The following MAP3K15 variants were observed in gnomAD, a reference collection of about 807,000 sequenced individuals.
The protein encoded by MAP3K15 is MAPK/ERK kinase kinase 15.
In MAP3K15, 124 loss-of-function variants were observed where a neutral mutation model predicts 99.5. The observed-to-expected ratio is 1.25, with a 90% CI of 1.08 to 1.45. MAP3K15 has a LOEUF of 1.45. Among genes scored for constraint, MAP3K15 ranks in the 40% most tolerant of loss-of-function variants. The pLI is 0.00. For synonymous variants in MAP3K15, 494 were observed against 439.6 expected, an observed-to-expected ratio of 1.12 and a Z score of -1.55; for missense variants, 1,242 against 1,079.7, an observed-to-expected ratio of 1.15 and a Z score of -2.11.
chrX:19,404,128 A>AT (rs1255976272), intron 13 of MAP3K15, among the ~76,000 whole-genome samples: 7 of 111,986 alleles, frequency 6.3e-5, no homozygotes, highest in Admixed American at 9.5e-5. Flanking sequence ...AAGGAATTCA[A>AT]TAAAACCCAT....
chrX:19,384,949 C>T (rs1456464278), intron 18 of MAP3K15, among the ~76,000 whole-genome samples: 1 of 110,060 alleles, frequency 9.1e-6, no homozygotes. Context: ...GCTATATACC[C>T]ACAAAAGTTA....
chrX:19,445,079 T>A (rs2063985656), intron 6 of MAP3K15, among the ~76,000 whole-genome samples: 1 of 111,201 alleles, frequency 9.0e-6, no homozygotes, highest in Non-Finnish European at 1.9e-5. Flanking sequence ...CTCAACACTA[T>A]ACAGCCTCAG....
intron 22 of MAP3K15, 82 bp downstream of exon 22, chrX:19,372,571 G>C: frequency 1.1e-6 from 1 of 932,202 alleles, no homozygotes; most frequent in Non-Finnish European, 1.5e-6. Flanking sequence ...GGCAGGAACT[G>C]AGGTCCTGAT....
Position 19,362,831 on chromosome X carries a change from C to T in MAP3K15, c.3586G>A (p.Glu1196Lys). 9.2e-7 allele frequency: 1 copy of T among 1,091,350 alleles called. No homozygotes were observed. The highest frequency in any genetic ancestry group is 1.2e-6 in the Non-Finnish European group (1 of 805,029). The allele number at this position is 1,091,350 out of a possible 1,213,427, so 89.9% of individuals were successfully genotyped here. A position where few individuals can be genotyped will look rare whatever the true frequency, so the allele number is the denominator to read the frequency against. The change falls in exon 26 of 29, where the codon GAA (glutamate) becomes AAA (lysine). Residue 1196 changes from glutamate (E) to lysine (K), a missense_variant. Physicochemically the swap from Glu to Lys is moderately conservative, Grantham distance 56. Coordinates refer to ENST00000338883, the MANE Select transcript of MAP3K15 (RefSeq NM_001001671.4). Reference protein sequence around the residue: ...ETNRLLEHLVEKEREYQNLLR... With the variant: ...ETNRLLEHLVKKEREYQNLLR... ...AGATTCTGGTACTCTCTCTCTTTTT[C>T]AACTAGGTGTTCCAAAAGTCTGGTT...
intron 3 of MAP3K15, among the ~76,000 whole-genome samples, chrX:19,476,385 C>T (rs1213470630): frequency 9.0e-6 from 1 of 111,622 alleles, no homozygotes; most frequent in African/African-American, 3.3e-5. Context: ...AGATTGTTCC[C>T]AGGAAAATTT....
At chrX:19,481,115 CAAAAAA>C (rs60578003) in intron 3 of MAP3K15, among the ~76,000 whole-genome samples, 18 of 55,279 alleles carry the variant, frequency 3.3e-4, no homozygotes, top group African/African-American at 1.8e-3. Flanking sequence ...GAACTTGTCT[CAAAAAA>C]AAAAAAAAAA....
rs748271078 is a variant in MAP3K15, at chrX:19,395,156, G to A, written c.2119C>T (p.Arg707Cys). ...EIALHKYLKH[R>C]NIVQYLGSVS... ...GAGCCCAGGTACTGAACGATATTGC[G>A]GTGCTTAAGGTACTTGTGCAGGGCT... The change falls in exon 16 of 29, where the codon CGC (arginine) becomes TGC (cysteine). Residue 707 changes from arginine (R) to cysteine (C), a missense_variant. Transcript: ENST00000338883. 40 of 1,205,678 alleles carry A rather than the reference G, an allele frequency of 3.3e-5. 1 individual carries two copies. In the South Asian group the frequency reaches 4.1e-4, roughly 12 times the overall value.
chrX:19,363,681 C>A (rs2147201146), intron 25 of MAP3K15, among the ~76,000 whole-genome samples: 1 of 105,543 alleles, frequency 9.5e-6, no homozygotes, highest in South Asian at 4.2e-4. Flanking sequence ...GAGACAGAGT[C>A]TCACTCTGTG....
At chrX:19,429,246 T>C (rs1472322524) in intron 7 of MAP3K15, among the ~76,000 whole-genome samples, 1 of 110,519 alleles carries the variant, frequency 9.0e-6, no homozygotes, top group East Asian at 2.9e-4. Context: ...AAGCTATAAA[T>C]CTGTGAAGGA....
chrX:19,413,023 A>G (rs1223139689), intron 11 of MAP3K15, among the ~76,000 whole-genome samples: 2 of 110,127 alleles, frequency 1.8e-5, no homozygotes, highest in Non-Finnish European at 3.8e-5. Context: ...TACAGCTGTG[A>G]AACAACACAC....
rs747115798 is a variant in MAP3K15 at position 19,400,615 on chromosome X, C to A, written c.1893G>T (p.Thr631=). 2.5e-6 allele frequency: 3 copies of A among 1,208,350 alleles called. No homozygotes were observed. Among genetic ancestry groups the A allele is most frequent in the Non-Finnish European group, 3.4e-6 (3 of 893,196 alleles). The change falls in exon 14 of 29, where the codon ACG becomes ACT. Residue 631 remains threonine (T), a synonymous_variant. Transcript: ENST00000338883. The stretch of plus-strand genomic sequence containing the variant: ...CATCGGTCTCTCCCTCCAGCTCCAC[C>A]GTACTGCCTGCTGTATTGGTTATCA... ...KEMITNTAGS[T]VELEGETDGD... is the part of the protein sequence containing the mutation.
chrX:19,469,250 G>T (rs989933052), intron 3 of MAP3K15, among the ~76,000 whole-genome samples: 5 of 111,459 alleles, frequency 4.5e-5, no homozygotes, highest in East Asian at 2.8e-4. Flanking sequence ...ATGCCGCATA[G>T]CTACAACTAT....
At chrX:19,505,290 C>G (rs1569245877) in intron 1 of MAP3K15, among the ~76,000 whole-genome samples, 1 of 111,196 alleles carries the variant, frequency 9.0e-6, no homozygotes, top group African/African-American at 3.3e-5. Context: ...GACCCACAGC[C>G]TGACTCTTTC....
intron 3 of MAP3K15, among the ~76,000 whole-genome samples, chrX:19,485,778 G>C (rs993396292): frequency 9.0e-6 from 1 of 111,245 alleles, no homozygotes; most frequent in Admixed American, 9.6e-5. Context: ...GGCCTGTCCT[G>C]AGTCTAGGTC....
At chrX:19,485,511 C>A (rs759454828) in intron 3 of MAP3K15, among the ~76,000 whole-genome samples, 50 of 109,522 alleles carry the variant, frequency 4.6e-4, no homozygotes, top group African/African-American at 1.6e-3. Context: ...ATAGTAATCA[C>A]GTGCACTATA....
chrX:19,433,646 C>T (rs2063900252), intron 6 of MAP3K15, among the ~76,000 whole-genome samples: 1 of 111,169 alleles, frequency 9.0e-6, no homozygotes, highest in African/African-American at 3.3e-5. Context: ...CTCTATACAT[C>T]CTATTGGTTT....
chrX:19,448,410 A>C (rs1336318086), intron 6 of MAP3K15, among the ~76,000 whole-genome samples: 1 of 109,514 alleles, frequency 9.1e-6, no homozygotes, highest in African/African-American at 3.3e-5. Context: ...TGAGCCTCAA[A>C]ACAATCAAGT....
At chrX:19,417,603 T>A (rs956216412) in intron 9 of MAP3K15, among the ~76,000 whole-genome samples, 2 of 111,772 alleles carry the variant, frequency 1.8e-5, no homozygotes. Flanking sequence ...CTCTCTAGAC[T>A]CCACCTCTGG....
chrX:19,397,056 T>C (rs981307241), intron 15 of MAP3K15, among the ~76,000 whole-genome samples: 2 of 109,517 alleles, frequency 1.8e-5, no homozygotes, highest in Non-Finnish European at 1.9e-5. Context: ...TGCGCCACCA[T>C]GCCCACCCAC....
Sources: gnomAD v4.1 joint callset for allele counts (sites outside exome capture counted in the v4.1 genomes callset) on GRCh38, gnomAD v4.1.1 for gene constraint, MANE v1.5 for transcripts, NCBI Gene and HGNC (gene_info 2026-07-23, HGNC 2026-07-21) for gene names.